Variants in POLR3A observed in about 807,000 individuals in gnomAD.
POLR3A encodes the protein RNA polymerase III subunit A.
A neutral mutation model predicts 152.8 loss-of-function variants in POLR3A; 112 were observed. The ratio of observed to expected loss-of-function variants is 0.73; its 90% CI spans 0.63 to 0.86. The LOEUF (loss-of-function observed/expected upper bound fraction) is 0.86. POLR3A is among the 40% of genes least tolerant of loss of function. POLR3A has a pLI of 0.00. For synonymous variants in POLR3A, 615 were observed against 652.1 expected (o/e 0.94, Z 0.87); for missense variants, 1,385 against 1,743.1 (o/e 0.79, Z 3.66).
chr10:78,026,080 T>A lies in POLR3A; in HGVS notation c.180+14A>T, dbSNP rs778057124. The A allele has an allele frequency of 6.2e-7, 1 of 1,613,610 alleles. No homozygotes were observed. Among genetic ancestry groups the A allele is most frequent in the South Asian group, 1.1e-5 (1 of 91,066 alleles). Reference sequence around the variant, plus strand: ...GGCAAGACACAGTTACCAGGAGGGGTGAGGGGGCCTTACCATCCTATGGTC... The same window carrying A: ...GGCAAGACACAGTTACCAGGAGGGGAGAGGGGGCCTTACCATCCTATGGTC... On this transcript the variant is annotated intron_variant, in intron 2 of 30. Coordinates refer to ENST00000372371, the MANE Select transcript of POLR3A (RefSeq NM_007055.4).
intron 11 of POLR3A, 97 bp downstream of exon 11, chr10:78,013,553 T>C (rs1847486963): frequency 3.2e-6 from 4 of 1,258,756 alleles, no homozygotes; most frequent in East Asian, 2.3e-5. Context: ...CCTGGCTTCT[T>C]TGGCGTTGTT....
chr10:78,004,443 C>T (rs965013284), intron 16 of POLR3A, among the ~76,000 whole-genome samples: 6 of 152,112 alleles, frequency 3.9e-5, no homozygotes, highest in African/African-American at 1.4e-4. Context: ...ATGTTTTCAC[C>T]ACCTGGATGT....
intron 23 of POLR3A, 108 bp from the exon 24 acceptor site, chr10:77,985,448 T>C: frequency 1.1e-6 from 1 of 887,158 alleles, no homozygotes; most frequent in Non-Finnish European, 1.9e-6. Context: ...ATATAGATGC[T>C]ATTAGGGTCG....
intron 30 of POLR3A, 127 bp from the exon 31 acceptor site, chr10:77,977,753 A>T (rs1847103744): frequency 2.0e-5 from 16 of 797,860 alleles, no homozygotes; most frequent in Non-Finnish European, 2.6e-5. Context: ...CATCAACTGA[A>T]CTTTGGCAAA....
At chr10:78,004,285 C>T (rs1847388816) in intron 16 of POLR3A, among the ~76,000 whole-genome samples, 1 of 152,042 alleles carries the variant, frequency 6.6e-6, no homozygotes, top group Non-Finnish European at 1.5e-5. Context: ...AACCAAACCC[C>T]CAAAAACCAA....
At chr10:78,021,728 G>A (rs772448110) in intron 7 of POLR3A, 46 bp from the exon 8 acceptor site, 30 of 1,611,578 alleles carry the variant, frequency 1.9e-5, no homozygotes, top group Non-Finnish European at 2.5e-5. Context: ...CATACCATGT[G>A]CTCATGGGAA....
rs10710971 is a variant in POLR3A, at chr10:77,980,013, AT to A, written c.4024+127del. On this transcript the variant is annotated intron_variant, in intron 30 of 30. Coordinates refer to ENST00000372371, the MANE Select transcript of POLR3A (RefSeq NM_007055.4). ...GATCCAGCAGTTCCAATTCGTGTCT[AT>A]TGACATTATTCTTGAAAAAATAAAC... The A allele has an allele frequency of 4.4e-3, 3,759 of 860,024 alleles. 94 individuals carry two copies. The African/African-American group carries it at 0.054, about 12-fold the overall frequency. 53.3% of individuals were successfully genotyped at this position (860,024 alleles called of 1,614,324 possible). A position where few individuals can be genotyped will look rare whatever the true frequency, so the allele number is the denominator to read the frequency against.
intron 10 of POLR3A, 98 bp downstream of exon 10, chr10:78,017,477 A>G (rs1422511877): frequency 1.3e-5 from 16 of 1,239,380 alleles, no homozygotes; most frequent in Non-Finnish European, 1.9e-5. Flanking sequence ...AAAACTTGAG[A>G]TAACAGGCAA....
At position 78,013,751 on chromosome 10, in the gene POLR3A, A is replaced by G. The variant is rs780009941; in HGVS notation, c.1471T>C (p.Cys491Arg). 6.2e-7 allele frequency: 1 copy of G among 1,613,996 alleles called. No homozygotes were observed. The highest frequency in any genetic ancestry group is 1.1e-5 in the South Asian group (1 of 91,086). Residue 491 changes from cysteine (C) to arginine (R), a missense_variant, in exon 11 of 31, where the codon TGT becomes CGT. Coordinates refer to ENST00000372371, the MANE Select transcript of POLR3A (RefSeq NM_007055.4). The stretch of plus-strand genomic sequence containing the variant: ...TCAGCATTATAGGGTGTACAGACAC[A>G]CTCATTAAATCTGAAGGTCCGGTGG... ...KPHRTFRFNE[C>R]VCTPYNADFD...
At chr10:78,012,323 C>T (rs532884634) in intron 11 of POLR3A, among the ~76,000 whole-genome samples, 65 of 151,420 alleles carry the variant, frequency 4.3e-4, no homozygotes, top group African/African-American at 1.4e-3. Flanking sequence ...GAGATCACAT[C>T]ATTGCACTCC....
chr10:78,003,730 C>T (rs12246283), intron 16 of POLR3A, among the ~76,000 whole-genome samples: 12,807 of 151,848 alleles, frequency 0.084, 1,724 homozygotes, highest in African/African-American at 0.29. Context: ...CGAGACCAGG[C>T]TGGCCAACAT....
intron 26 of POLR3A, among the ~76,000 whole-genome samples, chr10:77,983,481 C>CTA (rs1847168721): frequency 6.6e-6 from 1 of 152,180 alleles, no homozygotes. Context: ...CAACTGTTGC[C>CTA]TATTACCCAT....
intron 28 of POLR3A, among the ~76,000 whole-genome samples, chr10:77,981,785 G>A (rs1847145158): frequency 6.6e-6 from 1 of 151,008 alleles, no homozygotes; most frequent in African/African-American, 2.4e-5. Context: ...AGCACTTTGG[G>A]AGGCCGAGGC....
chr10:77,984,286 G>T lies in POLR3A; in HGVS notation c.3255C>A (p.Ile1085=), dbSNP rs147369365. ...CGTCATCCTTGTCTAGCTGTGCTGT[G>T]ATAATTGGAGTGCTGTTGAGAAGCA... ...NASKAISTPI[I]TAQLDKDDDA... is the part of the protein sequence containing the mutation. The change falls in exon 25 of 31, where the codon ATC becomes ATA. Residue 1085 remains isoleucine, a synonymous_variant. Coordinates refer to ENST00000372371, the MANE Select transcript of POLR3A (RefSeq NM_007055.4). 1.6e-5 allele frequency: 26 copies of T among 1,609,506 alleles called. No individual in the cohort carries two copies. The highest frequency in any genetic ancestry group is 2.1e-5 in the Non-Finnish European group (25 of 1,176,078).
chr10:77,982,887 C>CT lies in POLR3A; in HGVS notation c.3430-71dup, dbSNP rs764694377. 90 of 1,458,640 alleles carry CT rather than the reference C, an allele frequency of 6.2e-5. No homozygotes were observed. The Middle Eastern group carries it at 2.1e-3, about 34-fold the overall frequency. The allele number at this position is 1,458,640 out of a possible 1,614,324, so 90.4% of individuals were successfully genotyped here. A position where few individuals can be genotyped will look rare whatever the true frequency, so the allele number is the denominator to read the frequency against. ...CTTCGTTTATTTCATTGTTGCCCCT[C>CT]TAAGAAGTCCTTTTAGTCAGGTTTG... On this transcript the variant is annotated intron_variant, in intron 26 of 30. Coordinates refer to ENST00000372371, the MANE Select transcript of POLR3A (RefSeq NM_007055.4).
chr10:77,978,367 A>G (rs969670118), intron 30 of POLR3A, among the ~76,000 whole-genome samples: 2 of 152,216 alleles, frequency 1.3e-5, no homozygotes, highest in African/African-American at 4.8e-5. Flanking sequence ...ATGAGGGCGA[A>G]CACTGGGTTA....
At position 78,026,091 on chromosome 10, in the gene POLR3A, T is replaced by C. The variant is rs1201639614; in HGVS notation, c.180+3A>G. On this transcript the variant is annotated splice_donor_region_variant and intron_variant, in intron 2 of 30. Transcript: ENST00000372371. ...GTTACCAGGAGGGGTGAGGGGGCCTTACCATCCTATGGTCGAGCACCCCAT... is the reference window on the plus strand; with the variant it reads ...GTTACCAGGAGGGGTGAGGGGGCCTCACCATCCTATGGTCGAGCACCCCAT... The C allele has an allele frequency of 3.7e-6, 6 of 1,614,050 alleles. No individual in the cohort carries two copies. The highest frequency in any genetic ancestry group is 5.1e-6 in the Non-Finnish European group (6 of 1,179,952).
At chr10:77,988,248 G>A (rs1847215761) in intron 21 of POLR3A, among the ~76,000 whole-genome samples, 1 of 152,182 alleles carries the variant, frequency 6.6e-6, no homozygotes, top group Admixed American at 6.5e-5. Context: ...CCAGCTGGGT[G>A]CGGTAGCTCA....
chr10:78,004,945 T>C, intron 15 of POLR3A, 57 bp from the exon 16 acceptor site: 1 of 1,343,132 alleles, frequency 7.4e-7, no homozygotes, highest in Non-Finnish European at 1.1e-6. Context: ...GCAAACCTAC[T>C]AAATACAGTT....
Sources: allele counts gnomAD v4.1 joint callset (sites outside exome capture counted in the v4.1 genomes callset), GRCh38; gene constraint gnomAD v4.1.1; transcripts MANE v1.5; gene names NCBI Gene and HGNC (gene_info 2026-07-23, HGNC 2026-07-21).